Variants in LRMDA observed in about 807,000 individuals in gnomAD.
LRMDA encodes leucine-rich melanocyte differentiation-associated protein.
In LRMDA, 18 loss-of-function variants were observed where a neutral mutation model predicts 29.8. The observed-to-expected ratio is 0.60, with a 90% CI of 0.42 to 0.90. LRMDA has a LOEUF of 0.90. LRMDA is among the 40% of genes least tolerant of loss of function. LRMDA has a pLI of 0.00. For synonymous variants in LRMDA, 125 were observed against 109.4 expected, an observed-to-expected ratio of 1.14 and a Z score of -0.89; for missense variants, 273 against 273.9, an observed-to-expected ratio of 1.00 and a Z score of 0.02.
intron 2 of LRMDA, among the ~76,000 whole-genome samples, chr10:75,942,321 C>T (rs555504518): frequency 5.9e-5 from 9 of 152,258 alleles, no homozygotes; most frequent in Admixed American, 5.9e-4. Context: ...TCATCTCTTT[C>T]CCAAAGCCTG....
intron 2 of LRMDA, among the ~76,000 whole-genome samples, chr10:76,033,831 C>T (rs1247887790): frequency 6.6e-6 from 1 of 152,082 alleles, no homozygotes; most frequent in African/African-American, 2.4e-5. Flanking sequence ...GAGGAAGGGA[C>T]TTCAGAAGAG....
At chr10:75,570,792 G>T (rs1165526687) in intron 2 of LRMDA, among the ~76,000 whole-genome samples, 1 of 152,156 alleles carries the variant, frequency 6.6e-6, no homozygotes, top group Non-Finnish European at 1.5e-5. Flanking sequence ...GCAGAAAGTT[G>T]CATCTGTAAA....
At position 75,800,676 on chromosome 10, in the gene LRMDA, T is replaced by G. The variant is rs1279814545; in HGVS notation, c.132-235332T>G. ...TCTCTTTCCTTGAGGTTCTTGAAAA[T>G]ATTTATTATAACTTTTTTAAAGTTC... On this transcript the variant is annotated intron_variant, in intron 2 of 6. Coordinates refer to ENST00000611255, the MANE Select transcript of LRMDA (RefSeq NM_001305581.2). 3.3e-5 allele frequency among the ~76,000 whole-genome samples: 5 copies of G among 152,346 alleles called. No homozygotes were observed. The South Asian group carries it at 1.0e-3, about 32-fold the overall frequency.
chr10:75,464,021 C>T (rs1254225009), intron 2 of LRMDA, among the ~76,000 whole-genome samples: 3 of 152,118 alleles, frequency 2.0e-5, no homozygotes, highest in Non-Finnish European at 2.9e-5. Flanking sequence ...AGGCTGGTCT[C>T]GAACTCTTGA....
chr10:76,172,403 G>A (rs1271577671), intron 5 of LRMDA, among the ~76,000 whole-genome samples: 2 of 152,240 alleles, frequency 1.3e-5, no homozygotes, highest in Non-Finnish European at 2.9e-5. Flanking sequence ...TATCTAGACT[G>A]CAGTGCAGGG....
chr10:76,398,109 A>G (rs537672853), intron 6 of LRMDA, among the ~76,000 whole-genome samples: 8 of 152,178 alleles, frequency 5.3e-5, no homozygotes, highest in Non-Finnish European at 1.0e-4. Flanking sequence ...CTCCTTTGTA[A>G]CATCAAAACG....
rs900123747 is a variant in LRMDA at position 76,036,133 on chromosome 10, G to T, written c.257G>T (p.Arg86Leu). The T allele has an allele frequency of 2.5e-6, 4 of 1,612,948 alleles. No homozygotes were observed. Among genetic ancestry groups the T allele is most frequent in the African/African-American group, 1.3e-5 (1 of 74,820 alleles). Residue 86 changes from arginine to leucine, a missense_variant and splice_region_variant, in exon 3 of 7, where the codon CGA (arginine) becomes CTA (leucine). Arg to Leu is a moderately radical substitution (Grantham distance 102, BLOSUM62 -2). Transcript: ENST00000611255. The stretch of plus-strand genomic sequence containing the variant: ...CATACCTTAACCCTCAACAAGAACC[G>T]AATATCCTTTCCTCTGCCCGCTGCC... ...RLHTLTLNKN[R>L]ITDLENLLDH...
intron 5 of LRMDA, among the ~76,000 whole-genome samples, chr10:76,278,210 G>T (rs528978311): frequency 6.3e-4 from 96 of 152,222 alleles, no homozygotes; most frequent in South Asian, 1.2e-3. Context: ...CTCCTTCATT[G>T]AATTCCAGTT....
intron 2 of LRMDA, among the ~76,000 whole-genome samples, chr10:75,804,209 G>C (rs1305385142): frequency 6.6e-6 from 1 of 152,162 alleles, no homozygotes; most frequent in East Asian, 1.9e-4. Context: ...GATTCACTGG[G>C]TGTTAGATGC....
intron 5 of LRMDA, among the ~76,000 whole-genome samples, chr10:76,261,175 C>T (rs1202210073): frequency 1.3e-5 from 2 of 151,196 alleles, no homozygotes; most frequent in Non-Finnish European, 2.9e-5. Context: ...CGCCATTCTC[C>T]TGCCTCAGCC....
At chr10:76,016,833 C>G (rs922593809) in intron 2 of LRMDA, among the ~76,000 whole-genome samples, 2 of 152,216 alleles carry the variant, frequency 1.3e-5, no homozygotes, top group African/African-American at 4.8e-5. Flanking sequence ...CATCAGTGCT[C>G]AGGGTCCTCA....
At chr10:76,149,185 T>C (rs1850391176) in intron 5 of LRMDA, among the ~76,000 whole-genome samples, 1 of 152,210 alleles carries the variant, frequency 6.6e-6, no homozygotes, top group Non-Finnish European at 1.5e-5. Context: ...TGTATCTCCT[T>C]TGCACTAACA....
intron 5 of LRMDA, among the ~76,000 whole-genome samples, chr10:76,180,972 C>G (rs572693169): frequency 1.3e-5 from 2 of 152,104 alleles, no homozygotes; most frequent in Non-Finnish European, 2.9e-5. Context: ...CACTCTGGGT[C>G]GATGCTTGGG....
At chr10:75,477,226 C>T (rs1844806289) in intron 2 of LRMDA, among the ~76,000 whole-genome samples, 2 of 152,076 alleles carry the variant, frequency 1.3e-5, no homozygotes, top group Non-Finnish European at 1.5e-5. Flanking sequence ...GCAGTCCTCT[C>T]GCCTCGGCCT....
chr10:75,763,381 A>T (rs541592214), intron 2 of LRMDA, among the ~76,000 whole-genome samples: 23 of 152,322 alleles, frequency 1.5e-4, no homozygotes, highest in Non-Finnish European at 4.4e-5. Flanking sequence ...CTTAAAAAAA[A>T]ACCTAGTCTT....
chr10:75,538,987 C>T (rs952706758), intron 2 of LRMDA, among the ~76,000 whole-genome samples: 6 of 152,290 alleles, frequency 3.9e-5, no homozygotes, highest in East Asian at 1.9e-4. Context: ...ATTAGTGTTG[C>T]TTGCATGCAA....
chr10:75,658,241 T>C (rs1424991381), intron 2 of LRMDA, among the ~76,000 whole-genome samples: 1 of 143,440 alleles, frequency 7.0e-6, no homozygotes, highest in African/African-American at 2.7e-5. Context: ...GCACGCTGTG[T>C]GAATGAGATC....
chr10:75,440,638 T>G (rs894018092), intron 2 of LRMDA, among the ~76,000 whole-genome samples: 5 of 152,144 alleles, frequency 3.3e-5, no homozygotes, highest in African/African-American at 1.2e-4. Context: ...CTCTTGGGTG[T>G]TAGAAGAAGA....
At chr10:76,313,395 G>A (rs185815359) in intron 5 of LRMDA, among the ~76,000 whole-genome samples, 1 of 152,308 alleles carries the variant, frequency 6.6e-6, no homozygotes, top group African/African-American at 2.4e-5. Flanking sequence ...TAGTCAAAAT[G>A]TGGCTTAAAG....
Sources: gnomAD v4.1 joint callset for allele counts (sites outside exome capture counted in the v4.1 genomes callset) on GRCh38, gnomAD v4.1.1 for gene constraint, MANE v1.5 for transcripts, NCBI Gene and HGNC (gene_info 2026-07-23, HGNC 2026-07-21) for gene names.